Variants in SV2C observed in about 807,000 individuals in gnomAD.
SV2C encodes the protein solute carrier family 22 member B3.
In SV2C, 49 loss-of-function variants were observed where a neutral mutation model predicts 79.7. The ratio of observed to expected loss-of-function variants is 0.61; its 90% CI spans 0.49 to 0.78. The LOEUF (loss-of-function observed/expected upper bound fraction) is 0.78. Ranked by LOEUF, SV2C falls within the 30% of genes least tolerant of loss-of-function variation. SV2C has a pLI of 0.00. For synonymous variants in SV2C, 334 were observed against 333.2 expected, an observed-to-expected ratio of 1.00 and a Z score of -0.03; for missense variants, 833 against 912.9, an observed-to-expected ratio of 0.91 and a Z score of 1.13.
At chr5:76,079,821 ATGC>A (rs1379189591), upstream of SV2C, 1 of 183,410 alleles carries the variant, frequency 5.5e-6, no homozygotes, top group Non-Finnish European at 1.2e-5. Context: ...TCACTTCCAT[ATGC>A]TGTACATGAC....
At chr5:75,973,575 T>C in the SV2C span, among the ~76,000 whole-genome samples, 1 of 151,940 alleles carries the variant, frequency 6.6e-6, no homozygotes, top group Non-Finnish European at 1.5e-5. Flanking sequence ...AATTGAAAGA[T>C]AGACGAGGGG....
the SV2C span, among the ~76,000 whole-genome samples, chr5:75,971,109 T>C: frequency 1.3e-5 from 2 of 152,072 alleles, 1 homozygote; most frequent in African/African-American, 4.8e-5. Flanking sequence ...AAAAGGCCTT[T>C]GACAAAATTC....
At chr5:75,862,233 T>C in the SV2C span, among the ~76,000 whole-genome samples, 1 of 152,230 alleles carries the variant, frequency 6.6e-6, no homozygotes. Context: ...CTCCTTTCTC[T>C]GCCCCAGCCA....
the SV2C span, among the ~76,000 whole-genome samples, chr5:75,914,292 A>G: frequency 1.3e-5 from 2 of 152,240 alleles, no homozygotes; most frequent in African/African-American, 4.8e-5. Context: ...CTTCCAAAAT[A>G]TTCAACTTAT....
At chr5:76,151,448 G>C (rs1487277521) in intron 2 of SV2C, among the ~76,000 whole-genome samples, 1 of 152,158 alleles carries the variant, frequency 6.6e-6, no homozygotes, top group South Asian at 2.1e-4. Flanking sequence ...AGACTGCTGT[G>C]TGTGGAATGG....
At chr5:76,008,655 A>G in the SV2C span, among the ~76,000 whole-genome samples, 23 of 151,978 alleles carry the variant, frequency 1.5e-4, no homozygotes, top group Admixed American at 9.2e-4. Context: ...AGCATCTCCC[A>G]CTTGAGTTAT....
chr5:75,873,403 G>T, the SV2C span, among the ~76,000 whole-genome samples: 1 of 151,836 alleles, frequency 6.6e-6, no homozygotes, highest in Non-Finnish European at 1.5e-5. Flanking sequence ...AATTAAATTG[G>T]CAAAGTTTAG....
At chr5:75,880,263 T>C in the SV2C span, among the ~76,000 whole-genome samples, 4 of 152,096 alleles carry the variant, frequency 2.6e-5, no homozygotes, top group East Asian at 7.7e-4. Flanking sequence ...CCAAGATACA[T>C]TTGGATTCTT....
chr5:76,121,461 G>A (rs1580282491), intron 1 of SV2C, among the ~76,000 whole-genome samples: 1 of 151,214 alleles, frequency 6.6e-6, no homozygotes, highest in South Asian at 2.1e-4. Context: ...TGTCCTGAAT[G>A]GTAATGCCTA....
the SV2C span, among the ~76,000 whole-genome samples, chr5:76,030,269 T>TGG: frequency 1.0e-5 from 1 of 97,936 alleles, no homozygotes; most frequent in Admixed American, 9.7e-5. Context: ...GAGGCTTGTT[T>TGG]TTTTTTTTTT....
intron 1 of SV2C, among the ~76,000 whole-genome samples, chr5:76,129,486 TA>T (rs1307272587): frequency 6.6e-6 from 1 of 152,256 alleles, no homozygotes; most frequent in Non-Finnish European, 1.5e-5. Flanking sequence ...TGTTTAATTG[TA>T]AAATTCTTGT....
At chr5:76,210,418 G>A (rs1228149770) in intron 4 of SV2C, among the ~76,000 whole-genome samples, 2 of 152,176 alleles carry the variant, frequency 1.3e-5, no homozygotes, top group Admixed American at 6.5e-5. Flanking sequence ...AGAACTCAGG[G>A]AAACAACTCT....
chr5:76,249,958 C>T (rs1405741798), intron 4 of SV2C, among the ~76,000 whole-genome samples: 3 of 152,194 alleles, frequency 2.0e-5, no homozygotes, highest in Non-Finnish European at 4.4e-5. Context: ...AACATTACCC[C>T]TCAATGGGAA....
At chr5:75,902,377 G>A in the SV2C span, among the ~76,000 whole-genome samples, 3 of 152,202 alleles carry the variant, frequency 2.0e-5, no homozygotes, top group African/African-American at 7.2e-5. Flanking sequence ...TGCCTTCACA[G>A]AAGGTGCTGT....
chr5:76,028,246 A>T, the SV2C span, among the ~76,000 whole-genome samples: 19 of 151,984 alleles, frequency 1.3e-4, no homozygotes, highest in Admixed American at 1.2e-3. Context: ...CATCTTGAAA[A>T]TTTTTTTTAT....
At chr5:76,031,300 T>A in the SV2C span, among the ~76,000 whole-genome samples, 1 of 152,214 alleles carries the variant, frequency 6.6e-6, no homozygotes, top group Non-Finnish European at 1.5e-5. Context: ...GCTTTCCACA[T>A]GATATGCACT....
At chr5:76,181,535 G>A (rs1743732266) in intron 2 of SV2C, among the ~76,000 whole-genome samples, 1 of 152,156 alleles carries the variant, frequency 6.6e-6, no homozygotes, top group Non-Finnish European at 1.5e-5. Context: ...GAGGCCTTGG[G>A]AAATTTACAA....
chr5:76,227,868 G>T (rs1215032573), intron 4 of SV2C, among the ~76,000 whole-genome samples: 1 of 152,212 alleles, frequency 6.6e-6, no homozygotes, highest in African/African-American at 2.4e-5. Flanking sequence ...TGATGGGCTT[G>T]AAGGGGAGGC....
At chr5:76,170,061 T>TTTTTTA (rs1303070885) in intron 2 of SV2C, among the ~76,000 whole-genome samples, 1 of 152,168 alleles carries the variant, frequency 6.6e-6, no homozygotes, top group Non-Finnish European at 1.5e-5. Flanking sequence ...CCTATTTTAT[T>TTTTTTA]TTTTTATTTT....
Sources: gnomAD v4.1 joint callset for allele counts (sites outside exome capture counted in the v4.1 genomes callset) on GRCh38, gnomAD v4.1.1 for gene constraint, MANE v1.5 for transcripts, NCBI Gene and HGNC (gene_info 2026-07-23, HGNC 2026-07-21) for gene names.